LY96: variants seen among roughly 807,000 people sequenced by gnomAD.
The protein encoded by LY96 is lymphocyte antigen 96, also known as myeloid differentiation protein-2.
LY96 carries 18 observed loss-of-function variants against 18.9 expected under a neutral mutation model. That is an observed-to-expected ratio of 0.95 (90% CI 0.66 to 1.41). The LOEUF (loss-of-function observed/expected upper bound fraction) is 1.41. Ranked by LOEUF, LY96 falls within the 40% of genes most tolerant of loss-of-function variation. LY96 has a pLI of 0.00. For synonymous variants in LY96, 66 were observed against 62.6 expected, an observed-to-expected ratio of 1.06 and a Z score of -0.26; for missense variants, 175 against 182.4, an observed-to-expected ratio of 0.96 and a Z score of 0.23.
At position 74,002,093 on chromosome 8, in the gene LY96, TTCTCTCTCTCTCTC is replaced by T. The variant is rs376445801; in HGVS notation, c.113-2677_113-2664del. On this transcript the variant is annotated intron_variant, in intron 1 of 4. Coordinates refer to ENST00000284818, the MANE Select transcript of LY96 (RefSeq NM_015364.5). ...TTCCTTCCTTTCTTTCTTTCTTTCT[TTCTCTCTCTCTCTC>T]TCTCTCTCTCTCTCTCTCTCTCTCT... Among the ~76,000 whole-genome samples, 123 of 38,732 alleles carry T rather than the reference TTCTCTCTCTCTCTC, an allele frequency of 3.2e-3. 15 individuals are homozygous for T. The East Asian group carries it at 0.032, about 10-fold the overall frequency. 25.4% of individuals were successfully genotyped at this position (38,732 alleles called of 152,430 possible). A position where few individuals can be genotyped will look rare whatever the true frequency, so the allele number is the denominator to read the frequency against.
At chr8:74,025,068 C>G (rs1470474514) in intron 3 of LY96, among the ~76,000 whole-genome samples, 1 of 152,206 alleles carries the variant, frequency 6.6e-6, no homozygotes, top group Non-Finnish European at 1.5e-5. Context: ...CTCAAGGGAT[C>G]TACCCTCTTT....
intron 3 of LY96, among the ~76,000 whole-genome samples, chr8:74,025,525 G>C (rs1816851483): frequency 6.6e-6 from 1 of 151,758 alleles, no homozygotes; most frequent in African/African-American, 2.4e-5. Context: ...CGTAGTGGTG[G>C]GTGTCTGTAA....
intron 1 of LY96, among the ~76,000 whole-genome samples, chr8:73,997,055 T>C (rs1586645722): frequency 1.4e-5 from 2 of 147,814 alleles, no homozygotes; most frequent in South Asian, 4.1e-4. Context: ...TGTATTTTTT[T>C]AGTAGAGACC....
At chr8:74,066,611 A>T in the LY96 span, among the ~76,000 whole-genome samples, 1 of 152,186 alleles carries the variant, frequency 6.6e-6, no homozygotes, top group African/African-American at 2.4e-5. Context: ...GCTTTTAAAG[A>T]CTTATATTGA....
At position 74,018,985 on chromosome 8, in the gene LY96, T is replaced by C. The variant is rs539031395; in HGVS notation, c.332-7804T>C. ...AAGAGAAAGCAGAAAAGATCTAAAA[T>C]CGACACCCTAACATCACAATTAAAA... On this transcript the variant is annotated intron_variant, in intron 3 of 4. Coordinates refer to ENST00000284818, the MANE Select transcript of LY96 (RefSeq NM_015364.5). 7.9e-5 allele frequency among the ~76,000 whole-genome samples: 12 copies of C among 151,958 alleles called. No homozygotes were observed. In the South Asian group the frequency reaches 2.5e-3, roughly 32 times the overall value.
intron 2 of LY96, 53 bp from the exon 3 acceptor site, chr8:74,009,948 A>G (rs2131268138): frequency 7.8e-7 from 1 of 1,284,274 alleles, no homozygotes; most frequent in Non-Finnish European, 1.1e-6. Flanking sequence ...GTTAATTACT[A>G]TGTATAAAAG....
At chr8:74,047,493 T>A in the LY96 span, among the ~76,000 whole-genome samples, 2 of 152,246 alleles carry the variant, frequency 1.3e-5, no homozygotes, top group Non-Finnish European at 2.9e-5. Flanking sequence ...GTTGGCTGTC[T>A]ACTTTGAAAG....
chr8:73,993,578 G>T (rs1429599620), intron 1 of LY96, among the ~76,000 whole-genome samples: 4 of 152,068 alleles, frequency 2.6e-5, no homozygotes, highest in Non-Finnish European at 5.9e-5. Flanking sequence ...GAGTAGCTGG[G>T]ATTATAGGTG....
At chr8:74,088,400 A>T in the LY96 span, among the ~76,000 whole-genome samples, 1 of 152,134 alleles carries the variant, frequency 6.6e-6, no homozygotes, top group Non-Finnish European at 1.5e-5. Context: ...GAGCCAAGTC[A>T]AAGCAGTTGC....
chr8:74,015,240 C>T (rs376330370), intron 3 of LY96, among the ~76,000 whole-genome samples: 44 of 152,140 alleles, frequency 2.9e-4, no homozygotes, highest in Admixed American at 1.6e-3. Flanking sequence ...GTTCTGTTAC[C>T]GGGATTTTGC....
At chr8:74,038,629 G>T in the LY96 span, among the ~76,000 whole-genome samples, 1 of 152,270 alleles carries the variant, frequency 6.6e-6, no homozygotes, top group Middle Eastern at 3.4e-3. Context: ...GGCCTCAAGG[G>T]AGGCCTACCG....
At chr8:74,064,406 G>C in the LY96 span, among the ~76,000 whole-genome samples, 1 of 152,140 alleles carries the variant, frequency 6.6e-6, no homozygotes, top group Non-Finnish European at 1.5e-5. Flanking sequence ...TAAATGGCTT[G>C]GTGTCATCCT....
chr8:73,992,886 T>A (rs887995059), intron 1 of LY96, among the ~76,000 whole-genome samples: 1 of 135,108 alleles, frequency 7.4e-6, no homozygotes, highest in African/African-American at 2.8e-5. Context: ...GACAGAGTTT[T>A]GCTCTGTTGC....
At chr8:74,005,716 C>T (rs539737080) in intron 2 of LY96, among the ~76,000 whole-genome samples, 8 of 152,244 alleles carry the variant, frequency 5.3e-5, no homozygotes, top group Admixed American at 2.0e-4. Context: ...AAAAAACTAA[C>T]GCAGGTGGGG....
the LY96 span, among the ~76,000 whole-genome samples, chr8:74,058,152 C>T: frequency 6.6e-5 from 10 of 151,782 alleles, no homozygotes; most frequent in Admixed American, 3.9e-4. Context: ...CTAGGACAGA[C>T]TTTCTTTTGA....
intron 1 of LY96, among the ~76,000 whole-genome samples, chr8:74,003,184 A>C (rs1453721149): frequency 6.9e-6 from 1 of 145,142 alleles, no homozygotes; most frequent in Non-Finnish European, 1.5e-5. Flanking sequence ...ACATACCCAC[A>C]CCTATTGTTG....
the LY96 span, among the ~76,000 whole-genome samples, chr8:74,093,311 T>A: frequency 6.6e-6 from 1 of 152,212 alleles, no homozygotes; most frequent in Non-Finnish European, 1.5e-5. Flanking sequence ...TGCATGATGA[T>A]CTCCTTTAGG....
At chr8:74,001,710 G>A (rs1054401954) in intron 1 of LY96, among the ~76,000 whole-genome samples, 3 of 151,920 alleles carry the variant, frequency 2.0e-5, no homozygotes, top group Non-Finnish European at 4.4e-5. Context: ...TTAGCTGAGT[G>A]TGGTAGTATA....
At chr8:74,050,878 C>T in the LY96 span, among the ~76,000 whole-genome samples, 7 of 152,056 alleles carry the variant, frequency 4.6e-5, no homozygotes, top group African/African-American at 1.7e-4. Flanking sequence ...CAAAAATTAG[C>T]CAGGCGTGGT....
Sources: gnomAD v4.1 joint callset for allele counts (sites outside exome capture counted in the v4.1 genomes callset) on GRCh38, gnomAD v4.1.1 for gene constraint, MANE v1.5 for transcripts, NCBI Gene and HGNC (gene_info 2026-07-23, HGNC 2026-07-21) for gene names.